The following RYR2 variants were observed in gnomAD, a reference collection of about 807,000 sequenced individuals.
RYR2 encodes the protein cardiac muscle ryanodine receptor-calcium release channel.
Under a neutral mutation model 601.1 loss-of-function variants are expected in RYR2, and 227 were observed. That is an observed-to-expected ratio of 0.38 (90% CI 0.34 to 0.42). RYR2 has a LOEUF of 0.42. Ranked by LOEUF, RYR2 falls within the 10% of genes least tolerant of loss-of-function variation. The probability of loss-of-function intolerance (pLI) is 1.00; values close to 1 mark genes in which losing one functional copy is unlikely to be tolerated. For missense variants in RYR2, 4,646 were observed against 6,156.5 expected (o/e 0.75, Z 8.21); for synonymous variants, 2,223 against 2,175.1 (o/e 1.02, Z -0.61).
In RYR2 at chr1:237,783,388, ATTTTCT is replaced by A. The variant is rs1287348992; in HGVS notation, c.11963-284_11963-279del. 3.3e-5 allele frequency among the ~76,000 whole-genome samples: 5 copies of A among 152,212 alleles called. No homozygotes were observed. The East Asian group carries it at 9.7e-4, about 29-fold the overall frequency. On this transcript the variant is annotated intron_variant, in intron 89 of 104. Transcript: ENST00000366574. ...ATTTTAGTTTCTGGCTCTTTGGCTCATTTTCTTTATCTAAAACATGTTGCTTCTTTG... is the reference window on the plus strand; with the variant it reads ...ATTTTAGTTTCTGGCTCTTTGGCTCATTATCTAAAACATGTTGCTTCTTTG...
chr1:237,093,663 G>A (rs1667207565), intron 1 of RYR2, among the ~76,000 whole-genome samples: 1 of 152,156 alleles, frequency 6.6e-6, no homozygotes, highest in African/African-American at 2.4e-5. Context: ...ATTGAGCGGA[G>A]GGAGTTAGGA....
intron 1 of RYR2, among the ~76,000 whole-genome samples, chr1:237,205,379 G>C (rs1209249178): frequency 6.6e-6 from 1 of 152,204 alleles, no homozygotes; most frequent in Non-Finnish European, 1.5e-5. Context: ...GCAGCTGCTG[G>C]TCCAGCTGTG....
chr1:237,434,067 G>A (rs907574921), intron 12 of RYR2, among the ~76,000 whole-genome samples: 1 of 152,184 alleles, frequency 6.6e-6, no homozygotes, highest in Non-Finnish European at 1.5e-5. Context: ...ATTCTGAAAA[G>A]AAAATCAATT....
At chr1:237,619,434 A>G (rs1017728471) in intron 38 of RYR2, among the ~76,000 whole-genome samples, 2 of 152,228 alleles carry the variant, frequency 1.3e-5, no homozygotes, top group Admixed American at 1.3e-4. Flanking sequence ...AGAAGGAACA[A>G]TCAGTGAACT....
rs180850193 is a variant in RYR2 at position 237,548,618 on chromosome 1, G to A, written c.3066+28G>A. 10 of 1,606,680 alleles carry A rather than the reference G, an allele frequency of 6.2e-6. No homozygotes were observed. In the African/African-American group the frequency reaches 1.3e-4, roughly 21 times the overall value. ...ACATGGGAATTAGCATTTGGTCTGA[G>A]ACTTACTTAAGTGGGAATTAGCATA... On this transcript the variant is annotated intron_variant, in intron 26 of 104. Coordinates refer to ENST00000366574, the MANE Select transcript of RYR2 (RefSeq NM_001035.3).
At chr1:237,735,101 C>A (rs928759221) in intron 79 of RYR2, among the ~76,000 whole-genome samples, 1 of 152,180 alleles carries the variant, frequency 6.6e-6, no homozygotes, top group Non-Finnish European at 1.5e-5. Flanking sequence ...GTGTGGTCAC[C>A]AAAATCATGT....
At chr1:237,794,294 A>G (rs779910995) in intron 95 of RYR2, among the ~76,000 whole-genome samples, 2 of 150,846 alleles carry the variant, frequency 1.3e-5, no homozygotes, top group Admixed American at 6.7e-5. Flanking sequence ...CAGGAAGTGC[A>G]TGACCTGCAG....
intron 1 of RYR2, among the ~76,000 whole-genome samples, chr1:237,149,302 CAAACAA>C (rs76484926): frequency 2.2e-4 from 33 of 150,656 alleles, no homozygotes; most frequent in South Asian, 2.1e-3. Context: ...CTACAAAAAA[CAAACAA>C]AAACAAAAAC....
At chr1:237,342,212 G>T (rs1697875518) in intron 3 of RYR2, among the ~76,000 whole-genome samples, 1 of 150,934 alleles carries the variant, frequency 6.6e-6, no homozygotes, top group Non-Finnish European at 1.5e-5. Context: ...GCAGTGGTAT[G>T]ATCATAGCTC....
At chr1:237,315,780 A>G (rs1416929837) in intron 2 of RYR2, among the ~76,000 whole-genome samples, 3 of 152,234 alleles carry the variant, frequency 2.0e-5, no homozygotes, top group African/African-American at 7.2e-5. Context: ...TAGAAATTGG[A>G]CAAAGGACAA....
chr1:237,728,479 C>G (rs1690389572), intron 76 of RYR2, among the ~76,000 whole-genome samples: 1 of 152,042 alleles, frequency 6.6e-6, no homozygotes, highest in Admixed American at 6.6e-5. Context: ...AAGACACATG[C>G]ACATGTATGT....
intron 61 of RYR2, among the ~76,000 whole-genome samples, chr1:237,680,049 C>A (rs113516765): frequency 6.6e-6 from 1 of 152,128 alleles, no homozygotes; most frequent in Non-Finnish European, 1.5e-5. Context: ...CCATTTAATA[C>A]CCATAATGCA....
At chr1:237,454,237 C>T (rs1284729716) in intron 14 of RYR2, among the ~76,000 whole-genome samples, 154 bp from the exon 15 acceptor site, 2 of 152,136 alleles carry the variant, frequency 1.3e-5, no homozygotes, top group African/African-American at 2.4e-5. Flanking sequence ...AATCAGAATC[C>T]ATGATCACTG....
At chr1:237,665,982 A>G (rs77981026) in intron 56 of RYR2, among the ~76,000 whole-genome samples, 3,529 of 140,218 alleles carry the variant, frequency 0.025, 147 homozygotes, top group African/African-American at 0.082. Context: ...ATAAAGAGGT[A>G]TATTTCATTT....
At chr1:237,520,596 C>T (rs980761580) in intron 24 of RYR2, among the ~76,000 whole-genome samples, 3 of 152,126 alleles carry the variant, frequency 2.0e-5, no homozygotes, top group Admixed American at 6.5e-5. Context: ...GTTTTTGCGA[C>T]GTATCACATT....
In RYR2 at chr1:237,461,200, C is replaced by T. The variant is rs528833211; in HGVS notation, c.1612+4465C>T. Among the ~76,000 whole-genome samples the T allele has an allele frequency of 4.6e-5, 7 of 152,264 alleles. No homozygotes were observed. In the East Asian group the frequency reaches 1.2e-3, roughly 25 times the overall value. On this transcript the variant is annotated intron_variant, in intron 16 of 104. Coordinates refer to ENST00000366574, the MANE Select transcript of RYR2 (RefSeq NM_001035.3). ...GCAAATTTTATATTCTATTATTCTA[C>T]CCATTTTTGAACACAGTATCGCACA...
intron 1 of RYR2, among the ~76,000 whole-genome samples, chr1:237,192,065 G>A (rs2149001759): frequency 6.6e-6 from 1 of 151,722 alleles, no homozygotes; most frequent in East Asian, 1.9e-4. Context: ...TCAGTATGAA[G>A]ATACTGAGCT....
At chr1:237,483,811 G>A (rs997677705) in intron 17 of RYR2, among the ~76,000 whole-genome samples, 6 of 152,138 alleles carry the variant, frequency 3.9e-5, no homozygotes, top group African/African-American at 9.7e-5. Flanking sequence ...TCAGTGAAAT[G>A]TCAGTGAAAT....
intron 1 of RYR2, among the ~76,000 whole-genome samples, chr1:237,125,959 G>A (rs573092451): frequency 4.6e-5 from 7 of 152,302 alleles, no homozygotes; most frequent in South Asian, 2.1e-4. Flanking sequence ...AACTGAGGCC[G>A]GGCACAGTGG....
Sources: gnomAD v4.1 joint callset for allele counts (sites outside exome capture counted in the v4.1 genomes callset) on GRCh38, gnomAD v4.1.1 for gene constraint, MANE v1.5 for transcripts, NCBI Gene and HGNC (gene_info 2026-07-23, HGNC 2026-07-21) for gene names.